Variants in APOBEC3C observed in about 807,000 individuals in gnomAD.
APOBEC3C encodes apolipoprotein B mRNA editing enzyme catalytic subunit 3C.
Under a neutral mutation model 20.6 loss-of-function variants are expected in APOBEC3C, and 14 were observed. The observed-to-expected ratio is 0.68, with a 90% CI of 0.45 to 1.06. APOBEC3C has a LOEUF of 1.06. Ranked by LOEUF, APOBEC3C falls within the 50% of genes least tolerant of loss-of-function variation. The pLI, the probability that APOBEC3C is intolerant of heterozygous loss-of-function variation, is 0.00. For missense variants in APOBEC3C, 244 were observed against 241.9 expected (o/e 1.01, Z -0.06); for synonymous variants, 98 against 88.8 (o/e 1.10, Z -0.58).
In APOBEC3C at chr22:39,017,900, G is replaced by A. The variant is rs775691503; in HGVS notation, c.309G>A (p.Glu103=). Residue 103 remains glutamate (E), a synonymous_variant, in exon 3 of 4, where the codon GAG becomes GAA. Coordinates refer to ENST00000361441, the MANE Select transcript of APOBEC3C (RefSeq NM_014508.3). ...SWSPCPDCAG[E]VAEFLARHSN... ...GCCCTTGCCCAGACTGTGCAGGGGA[G>A]GTGGCCGAGTTCCTGGCCAGGCACA... The A allele has an allele frequency of 6.2e-7, 1 of 1,614,208 alleles. No individual in the cohort carries two copies.
chr22:39,017,391 G>C (rs990088065), intron 2 of APOBEC3C, among the ~76,000 whole-genome samples: 5 of 152,198 alleles, frequency 3.3e-5, no homozygotes, highest in East Asian at 3.9e-4. Context: ...TAGTCCCAGA[G>C]CTTTGGGAGG....
chr22:39,018,780 C>T lies in APOBEC3C; in HGVS notation c.*393C>T, dbSNP rs954207969. 41 of 138,008 alleles carry T rather than the reference C, an allele frequency of 3.0e-4. No homozygotes were observed. Among genetic ancestry groups the T allele is most frequent in the Middle Eastern group, 4.1e-3 (1 of 242 alleles). 8.5% of individuals were successfully genotyped at this position (138,008 alleles called of 1,614,324 possible). A position where few individuals can be genotyped will look rare whatever the true frequency, so the allele number is the denominator to read the frequency against. ...GAGAATCGCGTGAGCCCAGGAGTTC[C>T]AGACCAGGCTGGGTCACATGACAAA... On this transcript the variant is annotated 3_prime_UTR_variant, in exon 4 of 4. Coordinates refer to ENST00000361441, the MANE Select transcript of APOBEC3C (RefSeq NM_014508.3).
In APOBEC3C at chr22:39,018,565, T is replaced by C. The variant is rs1282575955; in HGVS notation, c.*178T>C. ...GCTTCCTCCTCGCTCTTCCAGACTC[T>C]TCCTGCAGAGGCTCCTTTCTGCCTC... On this transcript the variant is annotated 3_prime_UTR_variant, in exon 4 of 4. Transcript: ENST00000361441. 1 of 674,858 alleles carries C rather than the reference T, an allele frequency of 1.5e-6. No homozygotes were observed. Among genetic ancestry groups the C allele is most frequent in the Non-Finnish European group, 2.4e-6 (1 of 416,204 alleles). The allele number at this position is 674,858 out of a possible 1,614,324, so 41.8% of individuals were successfully genotyped here. A position where few individuals can be genotyped will look rare whatever the true frequency, so the allele number is the denominator to read the frequency against.
chr22:39,018,410 T>G lies in APOBEC3C; in HGVS notation c.*23T>G. On this transcript the variant is annotated 3_prime_UTR_variant, in exon 4 of 4. Coordinates refer to ENST00000361441, the MANE Select transcript of APOBEC3C (RefSeq NM_014508.3). The stretch of plus-strand genomic sequence containing the variant: ...TGAGGGGTCTCCCTGGGCCTCATGG[T>G]CTGTCTCCTCTAGCCTCCTGCTCAT... 6.2e-7 allele frequency: 1 copy of G among 1,608,516 alleles called. No homozygotes were observed. The highest frequency in any genetic ancestry group is 8.5e-7 in the Non-Finnish European group (1 of 1,176,288).
intron 3 of APOBEC3C, 46 bp from the exon 4 acceptor site, chr22:39,018,223 G>A (rs759785199): frequency 1.3e-6 from 2 of 1,597,594 alleles, no homozygotes; most frequent in Admixed American, 1.7e-5. Flanking sequence ...AGGGCCAGGA[G>A]AGAGGCCTGC....
chr22:39,018,052 C>T lies in APOBEC3C; in HGVS notation c.454+7C>T, dbSNP rs370783038. 35 of 1,613,340 alleles carry T rather than the reference C, an allele frequency of 2.2e-5. No individual in the cohort carries two copies. Among genetic ancestry groups the T allele is most frequent in the Middle Eastern group, 1.6e-4 (1 of 6,080 alleles). On this transcript the variant is annotated splice_region_variant and intron_variant, in intron 3 of 3. Transcript: ENST00000361441. ...GAGATCATGGACTATGAAGGTGAGA[C>T]GTGGGGGGCTGAGGAGAGTGGGTGC...
rs1266041172 is a variant in APOBEC3C at position 39,015,508 on chromosome 22, G to A, written c.18-87G>A. ...TGGGGGAGGCCCAGAGCCCAGGGACGTCCAGGCAGCTGTGTTCAGTGGGCA... is the reference window on the plus strand; with the variant it reads ...TGGGGGAGGCCCAGAGCCCAGGGACATCCAGGCAGCTGTGTTCAGTGGGCA... On this transcript the variant is annotated intron_variant, in intron 1 of 3. Transcript: ENST00000361441. 114 of 1,481,478 alleles carry A rather than the reference G, an allele frequency of 7.7e-5. No individual in the cohort carries two copies. In the Middle Eastern group the frequency reaches 2.1e-3, roughly 27 times the overall value. The allele number at this position is 1,481,478 out of a possible 1,614,324, so 91.8% of individuals were successfully genotyped here. A position where few individuals can be genotyped will look rare whatever the true frequency, so the allele number is the denominator to read the frequency against.
In APOBEC3C at chr22:39,015,654, A is replaced by C. The variant is rs754036075; in HGVS notation, c.77A>C (p.Glu26Ala). Residue 26 changes from glutamate to alanine, a missense_variant, in exon 2 of 4, where the codon GAA becomes GCA. Physicochemically the swap from Glu to Ala is moderately radical, Grantham distance 107. Transcript: ENST00000361441. ...TACTTCCAATTTAAAAACCTATGGGAAGCCAACGATCGGAACGAAACTTGG... is the reference window on the plus strand; with the variant it reads ...TACTTCCAATTTAAAAACCTATGGGCAGCCAACGATCGGAACGAAACTTGG... ...TFYFQFKNLWEANDRNETWLC... is the reference protein window; with the variant it reads ...TFYFQFKNLWAANDRNETWLC... The C allele has an allele frequency of 2.5e-6, 4 of 1,614,146 alleles. No individual in the cohort carries two copies. Among genetic ancestry groups the C allele is most frequent in the Non-Finnish European group, 2.5e-6 (3 of 1,180,030 alleles).
chr22:39,018,301 A>G lies in APOBEC3C; in HGVS notation c.487A>G (p.Asn163Asp), dbSNP rs368854062. The change falls in exon 4 of 4, where the codon AAT becomes GAT. Residue 163 changes from asparagine (N) to aspartate (D), a missense_variant. Asn to Asp is a conservative substitution (Grantham distance 23, BLOSUM62 1). Transcript: ENST00000361441. ...ATATTGTTGGGAAAACTTTGTGTAC[A>G]ATGATAATGAGCCATTCAAGCCTTG... ...FKYCWENFVYNDNEPFKPWKG... is the reference protein window; with the variant it reads ...FKYCWENFVYDDNEPFKPWKG... 4 of 1,613,956 alleles carry G rather than the reference A, an allele frequency of 2.5e-6. No individual in the cohort carries two copies. In the African/African-American group the frequency reaches 5.3e-5, roughly 22 times the overall value.
At chr22:39,015,546 A>T in intron 1 of APOBEC3C, 49 bp from the exon 2 acceptor site, 1 of 1,592,800 alleles carries the variant, frequency 6.3e-7, no homozygotes, top group Non-Finnish European at 8.6e-7. Flanking sequence ...AGCCCTGAGG[A>T]CTCCGGTGCG....
chr22:39,018,690 T>C lies in APOBEC3C; in HGVS notation c.*303T>C. Reference sequence around the variant, plus strand: ...CCAGCATAACCAAATCTTACTAAACTCATCCTAGGCTGGGCATGGTGACTC... The same window carrying C: ...CCAGCATAACCAAATCTTACTAAACCCATCCTAGGCTGGGCATGGTGACTC... On this transcript the variant is annotated 3_prime_UTR_variant, in exon 4 of 4. Transcript: ENST00000361441. 1 of 241,094 alleles carries C rather than the reference T, an allele frequency of 4.1e-6. No individual in the cohort carries two copies. The allele number at this position is 241,094 out of a possible 1,614,324, so 14.9% of individuals were successfully genotyped here.
At chr22:39,017,720 T>C in intron 2 of APOBEC3C, 46 bp from the exon 3 acceptor site, 1 of 1,590,680 alleles carries the variant, frequency 6.3e-7, no homozygotes, top group African/African-American at 1.3e-5. Flanking sequence ...GCACTCCTCC[T>C]GCTCCTGGTC....
In APOBEC3C at chr22:39,018,326, G is replaced by A; in HGVS notation, c.512G>A (p.Trp171Ter). 1.2e-6 allele frequency: 2 copies of A among 1,614,132 alleles called. No homozygotes were observed. The highest frequency in any genetic ancestry group is 1.1e-5 in the South Asian group (1 of 91,082). The change falls in exon 4 of 4, where the codon TGG (tryptophan) becomes TAG (stop). Residue 171 changes from tryptophan to a stop codon, truncating the protein, a stop_gained. Transcript: ENST00000361441. LOFTEE classifies it low-confidence loss of function (END_TRUNC). ...AATGATAATGAGCCATTCAAGCCTT[G>A]GAAGGGATTAAAAACCAACTTTCGA... Reference protein sequence around the residue: ...VYNDNEPFKPWKGLKTNFRLL... With the variant: ...VYNDNEPFKP
chr22:39,016,805 A>C (rs1396691511), intron 2 of APOBEC3C, among the ~76,000 whole-genome samples: 1 of 152,226 alleles, frequency 6.6e-6, no homozygotes, highest in Non-Finnish European at 1.5e-5. Flanking sequence ...GAAGGCAGGC[A>C]GGGAACAAAG....
Position 39,017,976 on chromosome 22 carries a change from C to T in APOBEC3C, c.385C>T (p.Pro129Ser). ...FTARLYYFQY[P>S]CYQEGLRSLS... is the part of the protein sequence containing the mutation. Reference sequence around the variant, plus strand: ...CGCCCGCCTCTACTACTTCCAGTATCCATGTTACCAGGAGGGGCTCCGCAG... The same window carrying T: ...CGCCCGCCTCTACTACTTCCAGTATTCATGTTACCAGGAGGGGCTCCGCAG... The change falls in exon 3 of 4, where the codon CCA becomes TCA. Residue 129 changes from proline to serine, a missense_variant. Coordinates refer to ENST00000361441, the MANE Select transcript of APOBEC3C (RefSeq NM_014508.3). 5.0e-6 allele frequency: 8 copies of T among 1,614,184 alleles called. No individual in the cohort carries two copies. Among genetic ancestry groups the T allele is most frequent in the Non-Finnish European group, 6.8e-6 (8 of 1,180,042 alleles).
chr22:39,014,394 T>G lies in APOBEC3C; in HGVS notation c.17+15T>G. The G allele has an allele frequency of 1.2e-6, 2 of 1,614,060 alleles. No individual in the cohort carries two copies. The highest frequency in any genetic ancestry group is 8.5e-7 in the Non-Finnish European group (1 of 1,179,986). On this transcript the variant is annotated intron_variant, in intron 1 of 3. Transcript: ENST00000361441. ...CCACAGATCAGGTACCTCTGCACGCTTTGTCCGCCAGGCCCCTCCTGCCAC... is the reference window on the plus strand; with the variant it reads ...CCACAGATCAGGTACCTCTGCACGCGTTGTCCGCCAGGCCCCTCCTGCCAC...
In APOBEC3C at chr22:39,018,371, G is replaced by C; in HGVS notation, c.557G>C (p.Arg186Pro). The C allele has an allele frequency of 5.6e-6, 9 of 1,613,868 alleles. No homozygotes were observed. The highest frequency in any genetic ancestry group is 7.6e-6 in the Non-Finnish European group (9 of 1,179,834). Residue 186 changes from arginine (R) to proline (P), a missense_variant, in exon 4 of 4, where the codon CGG becomes CCG. Arg to Pro is a moderately radical substitution (Grantham distance 103, BLOSUM62 -2). Transcript: ENST00000361441. ...TTTCGACTTCTGAAAAGAAGGCTAC[G>C]GGAGAGTCTCCAGTGAGGGGTCTCC... ...TNFRLLKRRL[R>P]ESLQ
chr22:39,018,119 G>A (rs1924867220), intron 3 of APOBEC3C, 74 bp downstream of exon 3: 1 of 1,586,100 alleles, frequency 6.3e-7, no homozygotes, highest in Admixed American at 1.7e-5. Flanking sequence ...CCAATGCTGT[G>A]GGGCGGGTCA....
chr22:39,018,076 G>A, intron 3 of APOBEC3C, 31 bp downstream of exon 3: 3 of 1,609,520 alleles, frequency 1.9e-6, no homozygotes, highest in Non-Finnish European at 1.7e-6. Flanking sequence ...GAGAGTGGGT[G>A]CAGGAGGGAC....
Sources: allele counts gnomAD v4.1 joint callset (sites outside exome capture counted in the v4.1 genomes callset), GRCh38; gene constraint gnomAD v4.1.1; transcripts MANE v1.5; gene names NCBI Gene and HGNC (gene_info 2026-07-23, HGNC 2026-07-21).